Variants in CUX1 observed in about 807,000 individuals in gnomAD.
CUX1 encodes the protein cut like homeobox 1, also known as protein CASP.
A neutral mutation model predicts 158.8 loss-of-function variants in CUX1; 31 were observed. That is an observed-to-expected ratio of 0.20 (90% CI 0.15 to 0.26). The LOEUF (loss-of-function observed/expected upper bound fraction) is 0.26, where lower values mean the gene tolerates loss of function less well. CUX1 is among the 10% of genes least tolerant of loss of function. CUX1 has a pLI of 1.00. For missense variants in CUX1, 1,589 were observed against 2,014.6 expected (o/e 0.79, Z 4.04); for synonymous variants, 879 against 862.1 (o/e 1.02, Z -0.34).
At chr7:101,888,948 T>C (rs751909156) in intron 1 of CUX1, among the ~76,000 whole-genome samples, 5 of 151,956 alleles carry the variant, frequency 3.3e-5, no homozygotes, top group South Asian at 2.1e-4. Context: ...ACAAAGTTGG[T>C]ATCACCTCTA....
chr7:102,072,336 C>T (rs966043389), intron 4 of CUX1, among the ~76,000 whole-genome samples: 3 of 152,116 alleles, frequency 2.0e-5, no homozygotes, highest in Admixed American at 6.5e-5. Context: ...AGAAAGCAAC[C>T]AACCAGAGGC....
chr7:102,150,309 C>G (rs1376868920), intron 8 of CUX1, among the ~76,000 whole-genome samples: 3 of 152,158 alleles, frequency 2.0e-5, no homozygotes, highest in African/African-American at 7.2e-5. Context: ...GCGCTCGCCA[C>G]CATGCCCGGC....
At chr7:101,828,668 G>A (rs1793657149) in intron 1 of CUX1, among the ~76,000 whole-genome samples, 1 of 151,696 alleles carries the variant, frequency 6.6e-6, no homozygotes, top group South Asian at 2.1e-4. Context: ...CCCGCTCCAG[G>A]TCGGCCCCAT....
intron 2 of CUX1, among the ~76,000 whole-genome samples, chr7:101,943,238 C>G (rs749290372): frequency 7.9e-5 from 12 of 151,962 alleles, no homozygotes; most frequent in Non-Finnish European, 1.3e-4. Context: ...TCCTGAGTAG[C>G]TGGGATTACA....
chr7:101,920,593 G>A (rs866088630), intron 2 of CUX1, among the ~76,000 whole-genome samples: 12 of 152,180 alleles, frequency 7.9e-5, no homozygotes, highest in Non-Finnish European at 4.4e-5. Context: ...GTTTTTTAAA[G>A]TTTCAGTTTT....
At chr7:101,828,037 C>T (rs1187760525) in intron 1 of CUX1, among the ~76,000 whole-genome samples, 1 of 141,210 alleles carries the variant, frequency 7.1e-6, no homozygotes, top group Non-Finnish European at 1.5e-5. Flanking sequence ...AGTGCGGTGG[C>T]GGATCTCGAC....
At chr7:101,878,298 A>C (rs1207132914) in intron 1 of CUX1, among the ~76,000 whole-genome samples, 1 of 152,192 alleles carries the variant, frequency 6.6e-6, no homozygotes, top group African/African-American at 2.4e-5. Flanking sequence ...TCCTTGTAGG[A>C]AACAGGCAGT....
chr7:101,934,033 T>A (rs935162028), intron 2 of CUX1, among the ~76,000 whole-genome samples: 5 of 152,266 alleles, frequency 3.3e-5, no homozygotes, highest in Non-Finnish European at 7.3e-5. Flanking sequence ...CCCCATCAGC[T>A]GGCTAATAAT....
intron 6 of CUX1, among the ~76,000 whole-genome samples, chr7:102,106,997 G>C (rs1324823288): frequency 6.6e-6 from 1 of 152,162 alleles, no homozygotes; most frequent in Non-Finnish European, 1.5e-5. Flanking sequence ...AGAGGCTGAG[G>C]CAGGAGGATC....
At chr7:102,039,592 C>T (rs891347456) in intron 3 of CUX1, among the ~76,000 whole-genome samples, 4 of 150,616 alleles carry the variant, frequency 2.7e-5, no homozygotes, top group African/African-American at 9.8e-5. Context: ...GAGGTTGAGG[C>T]TGCAGTAACC....
intron 2 of CUX1, among the ~76,000 whole-genome samples, chr7:102,014,858 CAAAAAAAAAAA>C (rs59972216): frequency 7.8e-6 from 1 of 127,920 alleles, no homozygotes; most frequent in African/African-American, 2.8e-5. Context: ...CCCCAACCAC[CAAAAAAAAAAA>C]AAAAAGAAAA....
chr7:102,194,367 G>A (rs1554517727), intron 13 of CUX1, among the ~76,000 whole-genome samples: 1 of 151,870 alleles, frequency 6.6e-6, no homozygotes, highest in East Asian at 1.9e-4. Context: ...GGGAGGCCAA[G>A]ACAGGAGGAT....
chr7:101,929,874 T>C (rs2129114034), intron 2 of CUX1, among the ~76,000 whole-genome samples: 1 of 152,174 alleles, frequency 6.6e-6, no homozygotes, highest in East Asian at 1.9e-4. Context: ...AGATTTTTGT[T>C]CTTGTCACCC....
chr7:102,097,306 C>G (rs1248044951), intron 4 of CUX1, 58 bp from the exon 5 acceptor site: 5 of 1,563,380 alleles, frequency 3.2e-6, no homozygotes, highest in Non-Finnish European at 3.5e-6. Flanking sequence ...TGTGTACCGC[C>G]GTGGAGGGGG....
intron 3 of CUX1, among the ~76,000 whole-genome samples, chr7:102,055,984 A>G (rs1010900948): frequency 3.3e-5 from 5 of 152,252 alleles, no homozygotes; most frequent in African/African-American, 1.2e-4. Context: ...CTCTTAAGCC[A>G]AAGTCTAATT....
At chr7:102,094,739 A>G (rs1829003025) in intron 4 of CUX1, among the ~76,000 whole-genome samples, 1 of 152,110 alleles carries the variant, frequency 6.6e-6, no homozygotes. Context: ...TCCTCTCTTT[A>G]CCTCCTCTTC....
chr7:102,160,951 G>A (rs1455600458), intron 9 of CUX1, among the ~76,000 whole-genome samples: 3 of 152,146 alleles, frequency 2.0e-5, no homozygotes, highest in East Asian at 1.9e-4. Flanking sequence ...AGTTTGCCAC[G>A]ATTTAAAATA....
At chr7:102,113,501 C>A (rs968087299) in intron 7 of CUX1, among the ~76,000 whole-genome samples, 1 of 152,192 alleles carries the variant, frequency 6.6e-6, no homozygotes, top group African/African-American at 2.4e-5. Context: ...AGTGATCCAC[C>A]TGCCTCAGCC....
chr7:102,010,830 G>A (rs541259990), intron 2 of CUX1, among the ~76,000 whole-genome samples: 5 of 152,274 alleles, frequency 3.3e-5, no homozygotes, highest in East Asian at 1.9e-4. Flanking sequence ...AATTATATTG[G>A]CCAGGCGTGG....
Sources: gnomAD v4.1 joint callset for allele counts (sites outside exome capture counted in the v4.1 genomes callset) on GRCh38, gnomAD v4.1.1 for gene constraint, MANE v1.5 for transcripts, NCBI Gene and HGNC (gene_info 2026-07-23, HGNC 2026-07-21) for gene names.